The following SLC36A4 variants were observed in gnomAD, a reference collection of about 807,000 sequenced individuals.
SLC36A4 encodes the protein solute carrier family 36 member 4, also known as neutral amino acid uniporter 4.
Under a neutral mutation model 50.5 loss-of-function variants are expected in SLC36A4, and 49 were observed. The ratio of observed to expected loss-of-function variants is 0.97; its 90% CI spans 0.77 to 1.23. The LOEUF is 1.23. SLC36A4 is among the 50% of genes most tolerant of loss of function. The pLI, the probability that SLC36A4 is intolerant of heterozygous loss-of-function variation, is 0.00. For synonymous variants in SLC36A4, 207 were observed against 206.5 expected (o/e 1.00, Z -0.02); for missense variants, 611 against 608.4 (o/e 1.00, Z -0.05).
intron 6 of SLC36A4, among the ~76,000 whole-genome samples, chr11:93,172,986 G>T (rs972185978): frequency 1.3e-5 from 2 of 149,768 alleles, no homozygotes; most frequent in African/African-American, 4.9e-5. Flanking sequence ...GGGTCAAATG[G>T]TATTTCCAGT....
At chr11:93,177,602 T>G (rs1861538737) in intron 6 of SLC36A4, among the ~76,000 whole-genome samples, 1 of 152,198 alleles carries the variant, frequency 6.6e-6, no homozygotes, top group African/African-American at 2.4e-5. Context: ...GTCAGGACCC[T>G]CAGCTGCAGG....
Position 93,148,404 on chromosome 11 carries a change from C to T in SLC36A4, c.*133G>A. 1.2e-6 allele frequency: 1 copy of T among 834,208 alleles called. No individual in the cohort carries two copies. Among genetic ancestry groups the T allele is most frequent in the Non-Finnish European group, 1.9e-6 (1 of 528,022 alleles). The allele number at this position is 834,208 out of a possible 1,614,324, so 51.7% of individuals were successfully genotyped here. A position where few individuals can be genotyped will look rare whatever the true frequency, so the allele number is the denominator to read the frequency against. Reference sequence around the variant, plus strand: ...TACTGGTAAAGAGTTATGATTACTTCCAAAATATTAATATCGTGCCAAAGA... The same window carrying T: ...TACTGGTAAAGAGTTATGATTACTTTCAAAATATTAATATCGTGCCAAAGA... On this transcript the variant is annotated 3_prime_UTR_variant, in exon 11 of 11. Transcript: ENST00000326402.
chr11:93,154,986 C>T (rs1860284019), intron 9 of SLC36A4: 1 of 151,954 alleles, frequency 6.6e-6, no homozygotes, highest in African/African-American at 2.4e-5. Flanking sequence ...TATGGATAAC[C>T]TCCTGTCAAA....
intron 5 of SLC36A4, among the ~76,000 whole-genome samples, 176 bp downstream of exon 5, chr11:93,181,515 A>T (rs1861730986): frequency 3.9e-5 from 6 of 152,146 alleles, no homozygotes; most frequent in Admixed American, 3.9e-4. Context: ...GATCAAGGTC[A>T]GAAAGCTGAA....
rs555624988 is a variant in SLC36A4 at position 93,162,345 on chromosome 11, G to T, written c.1037+361C>A. ...TGTTTTGAGACGGAGTTTCGCTCTT[G>T]TCACCCAGGCTGGATTGCAATGGTG... is the stretch of plus-strand genomic sequence containing the variant. On this transcript the variant is annotated intron_variant, in intron 9 of 10. Coordinates refer to ENST00000326402, the MANE Select transcript of SLC36A4 (RefSeq NM_152313.4). 3.6e-3 allele frequency among the ~76,000 whole-genome samples: 548 copies of T among 151,870 alleles called. 1 individual carries two copies. The highest frequency in any genetic ancestry group is 0.014 in the Middle Eastern group (4 of 294).
At position 93,148,376 on chromosome 11, in the gene SLC36A4, C is replaced by T; in HGVS notation, c.*161G>A. ...AAGCAAGGATTTTTCATAGGTTTACCACTACTGGTAAAGAGTTATGATTAC... is the reference window on the plus strand; with the variant it reads ...AAGCAAGGATTTTTCATAGGTTTACTACTACTGGTAAAGAGTTATGATTAC... On this transcript the variant is annotated 3_prime_UTR_variant, in exon 11 of 11. Transcript: ENST00000326402. 2 of 626,660 alleles carry T rather than the reference C, an allele frequency of 3.2e-6. No homozygotes were observed. The highest frequency in any genetic ancestry group is 5.3e-6 in the Non-Finnish European group (2 of 374,968). 38.8% of individuals were successfully genotyped at this position (626,660 alleles called of 1,614,324 possible). A position where few individuals can be genotyped will look rare whatever the true frequency, so the allele number is the denominator to read the frequency against.
At chr11:93,159,160 T>G (rs1322454442) in intron 9 of SLC36A4, among the ~76,000 whole-genome samples, 1 of 152,084 alleles carries the variant, frequency 6.6e-6, no homozygotes, top group Non-Finnish European at 1.5e-5. Flanking sequence ...GGAAACAAAA[T>G]CTATTATAAT....
At chr11:93,170,259 G>T (rs1478123133) in intron 6 of SLC36A4, 1 of 151,904 alleles carries the variant, frequency 6.6e-6, no homozygotes. Flanking sequence ...ACTAAATTCA[G>T]TTGTTTCCAT....
chr11:93,176,315 A>T (rs1861468373), intron 6 of SLC36A4, among the ~76,000 whole-genome samples: 1 of 150,354 alleles, frequency 6.7e-6, no homozygotes, highest in South Asian at 2.1e-4. Context: ...ATCTTCCTCC[A>T]TCCTTTTATT....
At position 93,186,977 on chromosome 11, in the gene SLC36A4, T is replaced by C. The variant is rs575694521; in HGVS notation, c.56-1163A>G. Among the ~76,000 whole-genome samples, 10 of 152,276 alleles carry C rather than the reference T, an allele frequency of 6.6e-5. 1 individual carries two copies. The Middle Eastern group carries it at 0.01, about 155-fold the overall frequency. On this transcript the variant is annotated intron_variant, in intron 1 of 10. Coordinates refer to ENST00000326402, the MANE Select transcript of SLC36A4 (RefSeq NM_152313.4). ...GATGTTGCTGGTCTGGGGACCACACTTTGAGGACCACTGCTCTAACTGATT... is the reference window on the plus strand; with the variant it reads ...GATGTTGCTGGTCTGGGGACCACACCTTGAGGACCACTGCTCTAACTGATT...
Position 93,154,099 on chromosome 11 carries a change from G to T in SLC36A4, c.1207+9C>A. 1 of 1,303,490 alleles carries T rather than the reference G, an allele frequency of 7.7e-7. No homozygotes were observed. The highest frequency in any genetic ancestry group is 1.0e-6 in the Non-Finnish European group (1 of 960,826). 80.7% of individuals were successfully genotyped at this position (1,303,490 alleles called of 1,614,324 possible). On this transcript the variant is annotated intron_variant, in intron 10 of 10. Transcript: ENST00000326402. ...AATTATTATGATATAAATATATAAT[G>T]ATACTTACAAGTAATACTAACCAAG...
chr11:93,177,124 C>T (rs1223764322), intron 6 of SLC36A4, among the ~76,000 whole-genome samples: 2 of 152,122 alleles, frequency 1.3e-5, no homozygotes, highest in Non-Finnish European at 2.9e-5. Flanking sequence ...TCACATAGTT[C>T]CATATTTCTT....
intron 7 of SLC36A4, chr11:93,167,305 G>C (rs1860918576): frequency 6.6e-6 from 1 of 152,096 alleles, no homozygotes; most frequent in Non-Finnish European, 1.5e-5. Flanking sequence ...TGACACCTTT[G>C]CAAGATGAAA....
Position 93,154,276 on chromosome 11 carries a change from A to C in SLC36A4, c.1039T>G (p.Leu347Val). 7.4e-7 allele frequency: 1 copy of C among 1,358,338 alleles called. No homozygotes were observed. The highest frequency in any genetic ancestry group is 9.6e-7 in the Non-Finnish European group (1 of 1,041,534). The allele number at this position is 1,358,338 out of a possible 1,614,324, so 84.1% of individuals were successfully genotyped here. A position where few individuals can be genotyped will look rare whatever the true frequency, so the allele number is the denominator to read the frequency against. Residue 347 changes from leucine (L) to valine (V), a missense_variant and splice_region_variant, in exon 10 of 11, where the codon TTA (leucine) becomes GTA (valine). By Grantham distance (32) the Leu-to-Val change is conservative (BLOSUM62 1). Transcript: ENST00000326402. ...TATAGAATTTTCACTGATTGATATA[A>C]CCTGTTGAAAAAAATTTTCAAAATT... ...ITLNLPQDVW[L>V]YQSVKILYSF...
chr11:93,150,919 T>C (rs564480287), intron 10 of SLC36A4, among the ~76,000 whole-genome samples: 1 of 152,186 alleles, frequency 6.6e-6, no homozygotes, highest in East Asian at 1.9e-4. Context: ...TGTTTATCTA[T>C]AATCCAAGCT....
chr11:93,148,786 C>A lies in SLC36A4; in HGVS notation c.1266G>T (p.Val422=). Residue 422 remains valine (V), a synonymous_variant, in exon 11 of 11, where the codon GTG becomes GTT. Coordinates refer to ENST00000326402, the MANE Select transcript of SLC36A4 (RefSeq NM_152313.4). The part of the protein sequence containing the change: ...LDIVISFVGA[V]SSSTLALILP... ...GGATTAGGGCCAATGTGCTGCTGCTCACAGCTCCAACGAAGGAAATCACAA... is the reference window on the plus strand; with the variant it reads ...GGATTAGGGCCAATGTGCTGCTGCTAACAGCTCCAACGAAGGAAATCACAA... 1 of 1,612,898 alleles carries A rather than the reference C, an allele frequency of 6.2e-7. No individual in the cohort carries two copies. Among genetic ancestry groups the A allele is most frequent in the South Asian group, 1.1e-5 (1 of 91,028 alleles).
In SLC36A4 at chr11:93,193,572, C is replaced by A. The variant is rs144390893; in HGVS notation, c.55+4206G>T. ...ACTAGCTTGATTCAATATTATACAA[C>A]ATTTATTATACACCATATATCTGAT... is the stretch of plus-strand genomic sequence containing the variant. On this transcript the variant is annotated intron_variant, in intron 1 of 10. Coordinates refer to ENST00000326402, the MANE Select transcript of SLC36A4 (RefSeq NM_152313.4). Among the ~76,000 whole-genome samples the A allele has an allele frequency of 2.9e-3, 448 of 152,230 alleles. 2 individuals carry two copies. Among genetic ancestry groups the A allele is most frequent in the African/African-American group, 0.01 (417 of 41,558 alleles).
At chr11:93,180,330 AAAAACTACAG>A (rs1455032957) in intron 6 of SLC36A4, 1 of 985,184 alleles carries the variant, frequency 1.0e-6, no homozygotes, top group East Asian at 1.1e-4. Context: ...AAGTTTCTCA[AAAAACTACAG>A]AAAACTGTTC....
At chr11:93,149,198 A>G (rs1394767076) in intron 10 of SLC36A4, among the ~76,000 whole-genome samples, 15 of 152,110 alleles carry the variant, frequency 9.9e-5, no homozygotes, top group Admixed American at 9.9e-4. Flanking sequence ...CACAAGACAT[A>G]GAGTGGTGGG....
Sources: gnomAD v4.1 joint callset for allele counts (sites outside exome capture counted in the v4.1 genomes callset) on GRCh38, gnomAD v4.1.1 for gene constraint, MANE v1.5 for transcripts, NCBI Gene and HGNC (gene_info 2026-07-23, HGNC 2026-07-21) for gene names.